Variants in BAIAP2L1 observed in about 807,000 individuals in gnomAD.
BAIAP2L1 encodes BAR/IMD domain-containing adapter protein 2-like 1.
A neutral mutation model predicts 66.3 loss-of-function variants in BAIAP2L1; 35 were observed. The ratio of observed to expected loss-of-function variants is 0.53; its 90% CI spans 0.40 to 0.70. BAIAP2L1 has a LOEUF of 0.70. BAIAP2L1 is among the 30% of genes least tolerant of loss of function. BAIAP2L1 has a pLI of 0.00. For missense variants in BAIAP2L1, 622 were observed against 656.9 expected, an observed-to-expected ratio of 0.95 and a Z score of 0.58; for synonymous variants, 269 against 248.7, an observed-to-expected ratio of 1.08 and a Z score of -0.77.
Position 98,304,090 on chromosome 7 carries a change from T to TCC in BAIAP2L1, c.1422+104_1422+105dup, listed in dbSNP as rs1359044961. 3.3e-6 allele frequency: 4 copies of TCC among 1,217,038 alleles called. No individual in the cohort carries two copies. In the East Asian group the frequency reaches 8.7e-5, roughly 26 times the overall value. 75.4% of individuals were successfully genotyped at this position (1,217,038 alleles called of 1,614,324 possible). A position where few individuals can be genotyped will look rare whatever the true frequency, so the allele number is the denominator to read the frequency against. ...TCCCTCCTCCCCGGGGACACCACTCTCCCCCTGGGGACAGAGCAGAGCAAG... is the reference window on the plus strand; with the variant it reads ...TCCCTCCTCCCCGGGGACACCACTCTCCCCCCCTGGGGACAGAGCAGAGCAAG... On this transcript the variant is annotated intron_variant, in intron 12 of 13. Coordinates refer to ENST00000005260, the MANE Select transcript of BAIAP2L1 (RefSeq NM_018842.5).
intron 1 of BAIAP2L1, among the ~76,000 whole-genome samples, chr7:98,388,988 AAAAC>A (rs1477687389): frequency 4.9e-5 from 3 of 60,728 alleles, no homozygotes; most frequent in East Asian, 3.3e-4. Flanking sequence ...AAAAAAACAA[AAAAC>A]AAACCATTCA....
At chr7:98,382,926 T>C (rs1451642219) in intron 1 of BAIAP2L1, among the ~76,000 whole-genome samples, 1 of 152,112 alleles carries the variant, frequency 6.6e-6, no homozygotes, top group East Asian at 1.9e-4. Flanking sequence ...TACATGTTCT[T>C]ATTTGAAAGA....
At chr7:98,362,462 T>C (rs1802293650) in intron 1 of BAIAP2L1, 30 bp from the exon 2 acceptor site, 1 of 1,575,402 alleles carries the variant, frequency 6.3e-7, no homozygotes, top group Non-Finnish European at 8.6e-7. Flanking sequence ...CACAAATTAA[T>C]AAAATAAAAA....
intron 12 of BAIAP2L1, among the ~76,000 whole-genome samples, chr7:98,297,829 C>T (rs1036283707): frequency 6.6e-6 from 1 of 152,180 alleles, no homozygotes; most frequent in Non-Finnish European, 1.5e-5. Context: ...TGAGGGCGCG[C>T]TGTGAAATGC....
At chr7:98,318,434 G>C (rs1049149370) in intron 5 of BAIAP2L1, among the ~76,000 whole-genome samples, 1 of 151,784 alleles carries the variant, frequency 6.6e-6, no homozygotes, top group Non-Finnish European at 1.5e-5. Flanking sequence ...GATTACAGGC[G>C]CACACAACCA....
intron 5 of BAIAP2L1, among the ~76,000 whole-genome samples, chr7:98,318,992 A>G (rs1222451574): frequency 6.6e-6 from 1 of 151,704 alleles, no homozygotes. Flanking sequence ...GAGTTTCTGA[A>G]GGCATAGCAA....
At chr7:98,381,829 T>C (rs1184523090) in intron 1 of BAIAP2L1, among the ~76,000 whole-genome samples, 1 of 151,936 alleles carries the variant, frequency 6.6e-6, no homozygotes, top group African/African-American at 2.4e-5. Context: ...AAGAAGGATG[T>C]CCTACAACTG....
intron 9 of BAIAP2L1, chr7:98,310,173 A>G: frequency 2.7e-6 from 1 of 370,586 alleles, no homozygotes; most frequent in South Asian, 3.4e-5. Context: ...TAAATAGATA[A>G]TTCTCAACAG....
chr7:98,312,368 C>G (rs1284184354), intron 7 of BAIAP2L1, 104 bp from the exon 8 acceptor site: 1 of 1,302,292 alleles, frequency 7.7e-7, no homozygotes, highest in Non-Finnish European at 1.0e-6. Flanking sequence ...TGGCTTAGCA[C>G]CAGGAGTGTG....
intron 3 of BAIAP2L1, among the ~76,000 whole-genome samples, chr7:98,322,099 G>A (rs772560729): frequency 2.0e-5 from 3 of 151,870 alleles, no homozygotes; most frequent in Non-Finnish European, 2.9e-5. Flanking sequence ...CTGTCTCCCC[G>A]CCCCCCAAAA....
At chr7:98,312,906 C>T (rs540987588) in intron 7 of BAIAP2L1, among the ~76,000 whole-genome samples, 2 of 152,310 alleles carry the variant, frequency 1.3e-5, no homozygotes, top group South Asian at 4.2e-4. Flanking sequence ...CTGCTCCTGA[C>T]AACTGGATTC....
At chr7:98,396,595 A>G (rs911363926) in intron 1 of BAIAP2L1, among the ~76,000 whole-genome samples, 5 of 152,156 alleles carry the variant, frequency 3.3e-5, no homozygotes, top group Admixed American at 3.3e-4. Flanking sequence ...CTGGTTAACA[A>G]CTATCCTGGC....
Position 98,312,028 on chromosome 7 carries a change from A to G in BAIAP2L1, c.807+69T>C, listed in dbSNP as rs1259301680. 3.4e-6 allele frequency: 5 copies of G among 1,477,838 alleles called. No homozygotes were observed. In the Admixed American group the frequency reaches 6.3e-5, roughly 19 times the overall value. The allele number at this position is 1,477,838 out of a possible 1,614,324, so 91.5% of individuals were successfully genotyped here. On this transcript the variant is annotated intron_variant, in intron 8 of 13. Coordinates refer to ENST00000005260, the MANE Select transcript of BAIAP2L1 (RefSeq NM_018842.5). ...GGGGACCTGTGATTCCCACCAACAC[A>G]GGCAAATTTGGCCCAGATCAAGTTA...
At position 98,304,301 on chromosome 7, in the gene BAIAP2L1, G is replaced by A. The variant is rs975702681; in HGVS notation, c.1317C>T (p.Tyr439=). 5.6e-6 allele frequency: 9 copies of A among 1,613,644 alleles called. No individual in the cohort carries two copies. Among genetic ancestry groups the A allele is most frequent in the Non-Finnish European group, 5.9e-6 (7 of 1,179,764 alleles). ...CTGCCCCCATGGACAAGCATTCCAA[G>A]TAGTCGGGTGGGGGGATGACAACAC... ...NSSVVIPPPD[Y]LECLSMGAAA... Residue 439 remains tyrosine (Y), a synonymous_variant, in exon 12 of 14, where the codon TAC becomes TAT. Coordinates refer to ENST00000005260, the MANE Select transcript of BAIAP2L1 (RefSeq NM_018842.5).
intron 2 of BAIAP2L1, among the ~76,000 whole-genome samples, chr7:98,358,942 C>G (rs563764216): frequency 6.6e-6 from 1 of 152,284 alleles, no homozygotes; most frequent in Non-Finnish European, 1.5e-5. Flanking sequence ...GGGTTATCAG[C>G]AAGCATGACT....
chr7:98,325,299 C>G (rs181077669), intron 3 of BAIAP2L1, among the ~76,000 whole-genome samples: 3 of 151,982 alleles, frequency 2.0e-5, no homozygotes, highest in African/African-American at 7.2e-5. Context: ...AGGAGAACTG[C>G]AGAGGTGGCA....
chr7:98,368,838 A>G (rs938287779), intron 1 of BAIAP2L1, among the ~76,000 whole-genome samples: 2 of 149,484 alleles, frequency 1.3e-5, no homozygotes, highest in Non-Finnish European at 3.0e-5. Context: ...ATTCCATGGT[A>G]TGGATATATT....
At position 98,315,504 on chromosome 7, in the gene BAIAP2L1, T is replaced by C; in HGVS notation, c.595A>G (p.Lys199Glu). Residue 199 changes from lysine (K) to glutamate (E), a missense_variant, in exon 7 of 14, where the codon AAG (lysine) becomes GAG (glutamate). Transcript: ENST00000005260. ...ATGTGGTTTGCAAAGCCACAGTGCT[T>C]ATCAACCAGAAAGCAGAAGCGCCTC... ...EKRRFCFLVDKHCGFANHIHY... is the reference protein window; with the variant it reads ...EKRRFCFLVDEHCGFANHIHY... 6.6e-7 allele frequency: 1 copy of C among 1,523,762 alleles called. No individual in the cohort carries two copies. Among genetic ancestry groups the C allele is most frequent in the Non-Finnish European group, 8.8e-7 (1 of 1,130,246 alleles). The allele number at this position is 1,523,762 out of a possible 1,614,324, so 94.4% of individuals were successfully genotyped here. A position where few individuals can be genotyped will look rare whatever the true frequency, so the allele number is the denominator to read the frequency against.
At chr7:98,322,966 G>A (rs1801290620) in intron 3 of BAIAP2L1, 1 of 152,198 alleles carries the variant, frequency 6.6e-6, no homozygotes, top group South Asian at 2.1e-4. Context: ...GAACTTGCAG[G>A]GCTTGTGACA....
Sources: gnomAD v4.1 joint callset for allele counts (sites outside exome capture counted in the v4.1 genomes callset) on GRCh38, gnomAD v4.1.1 for gene constraint, MANE v1.5 for transcripts, NCBI Gene and HGNC (gene_info 2026-07-23, HGNC 2026-07-21) for gene names.